PEX11G: variants seen among roughly 807,000 people sequenced by gnomAD.
PEX11G encodes peroxisomal membrane protein 11C.
Under a neutral mutation model 22.5 loss-of-function variants are expected in PEX11G, and 20 were observed. The ratio of observed to expected loss-of-function variants is 0.89; its 90% CI spans 0.62 to 1.29. PEX11G has a LOEUF of 1.29. Ranked by LOEUF, PEX11G falls within the 50% of genes most tolerant of loss-of-function variation. PEX11G has a pLI of 0.00. For synonymous variants in PEX11G, 141 were observed against 154.5 expected (o/e 0.91, Z 0.65); for missense variants, 347 against 331.3 (o/e 1.05, Z -0.37).
chr19:7,491,937 T>G (rs751999689), upstream of PEX11G, among the ~76,000 whole-genome samples: 1 of 152,012 alleles, frequency 6.6e-6, no homozygotes, highest in Non-Finnish European at 1.5e-5. Flanking sequence ...GGATTACAGG[T>G]GTGAGCCACT....
intron 1 of PEX11G, among the ~76,000 whole-genome samples, chr19:7,487,824 A>G (rs1426871096): frequency 6.6e-6 from 1 of 152,122 alleles, no homozygotes; most frequent in Admixed American, 6.6e-5. Context: ...TAATGGCAAA[A>G]CACTGCAATC....
chr19:7,477,055 C>T lies in PEX11G; in HGVS notation c.*147G>A. 1.5e-6 allele frequency: 1 copy of T among 671,772 alleles called. No homozygotes were observed. The highest frequency in any genetic ancestry group is 3.6e-5 in the South Asian group (1 of 27,836). 41.6% of individuals were successfully genotyped at this position (671,772 alleles called of 1,614,324 possible). A position where few individuals can be genotyped will look rare whatever the true frequency, so the allele number is the denominator to read the frequency against. ...GAGCTCCAGGCTGAGGCCTGGGGGA[C>T]CTCGCATCAGTCCCTCCACCCACCC... On this transcript the variant is annotated 3_prime_UTR_variant, in exon 5 of 5. Coordinates refer to ENST00000221480, the MANE Select transcript of PEX11G (RefSeq NM_080662.4).
chr19:7,479,916 G>A (rs573885710), intron 3 of PEX11G, among the ~76,000 whole-genome samples: 1 of 152,244 alleles, frequency 6.6e-6, no homozygotes, highest in South Asian at 2.1e-4. Flanking sequence ...GGGTATATGG[G>A]AGCTCTCTGA....
chr19:7,491,596 A>C (rs919567966), upstream of PEX11G, among the ~76,000 whole-genome samples: 7 of 151,864 alleles, frequency 4.6e-5, no homozygotes, highest in East Asian at 1.4e-3. Context: ...AAATGGAATC[A>C]TACAATATGT....
intron 3 of PEX11G, among the ~76,000 whole-genome samples, chr19:7,481,571 C>A (rs998121866): frequency 9.9e-5 from 15 of 152,158 alleles, no homozygotes; most frequent in Admixed American, 9.8e-4. Flanking sequence ...TCATAGGGGT[C>A]CTTATAGGAG....
intron 2 of PEX11G, among the ~76,000 whole-genome samples, chr19:7,482,762 C>T (rs2145964426): frequency 6.6e-6 from 1 of 152,362 alleles, no homozygotes; most frequent in South Asian, 2.1e-4. Flanking sequence ...CACTGCTGAC[C>T]ACGCGCCAGG....
At chr19:7,484,887 G>C (rs1421446147) in intron 2 of PEX11G, among the ~76,000 whole-genome samples, 1 of 152,182 alleles carries the variant, frequency 6.6e-6, no homozygotes. Flanking sequence ...TGGAATGTGT[G>C]AACGTTTGCT....
chr19:7,494,485 G>T (rs2021943492), intron 1 of PEX11G, among the ~76,000 whole-genome samples: 1 of 152,208 alleles, frequency 6.6e-6, no homozygotes, highest in Admixed American at 6.5e-5. Flanking sequence ...TGAATAAGCA[G>T]ATCCCTCCTC....
chr19:7,478,264 C>A (rs765337840), intron 4 of PEX11G, 50 bp downstream of exon 4: 1 of 1,586,404 alleles, frequency 6.3e-7, no homozygotes, highest in African/African-American at 1.3e-5. Context: ...CGGGATCCCA[C>A]GCCTGCTGGA....
chr19:7,484,716 T>G (rs1210195128), intron 2 of PEX11G, among the ~76,000 whole-genome samples: 1 of 148,966 alleles, frequency 6.7e-6, no homozygotes, highest in African/African-American at 2.5e-5. Flanking sequence ...GAGGTTGCAG[T>G]GAGCCGAGAT....
upstream of PEX11G, chr19:7,489,059 G>A (rs568614610): frequency 3.4e-6 from 5 of 1,464,154 alleles, no homozygotes; most frequent in East Asian, 2.8e-5. Flanking sequence ...GCCAGGGGGC[G>A]GGGCCAGGCC....
rs569479169 is a variant in PEX11G at position 7,476,989 on chromosome 19, G to A, written c.*213C>T. Reference sequence around the variant, plus strand: ...CGCCAGCTGGCAGGCAGGAGGTGCTGCTGAAGCCCTGCACGGCCCCTGAAA... The same window carrying A: ...CGCCAGCTGGCAGGCAGGAGGTGCTACTGAAGCCCTGCACGGCCCCTGAAA... On this transcript the variant is annotated 3_prime_UTR_variant, in exon 5 of 5. Transcript: ENST00000221480. The A allele has an allele frequency of 9.6e-5, 40 of 418,328 alleles. 1 individual carries two copies. In the South Asian group the frequency reaches 3.4e-3, roughly 36 times the overall value. The allele number at this position is 418,328 out of a possible 1,614,324, so 25.9% of individuals were successfully genotyped here.
At chr19:7,485,800 C>T in intron 2 of PEX11G, 38 bp downstream of exon 2, 1 of 1,543,986 alleles carries the variant, frequency 6.5e-7, no homozygotes, top group Non-Finnish European at 8.8e-7. Flanking sequence ...CCACTCAGGT[C>T]CGCACCCTAC....
At chr19:7,493,422 T>A (rs184246553), upstream of PEX11G, among the ~76,000 whole-genome samples, 454 of 152,156 alleles carry the variant, frequency 3.0e-3, 1 homozygote, top group Non-Finnish European at 5.0e-3. Flanking sequence ...CTCAAACTCC[T>A]GGGCTCAAGT....
At chr19:7,478,468 G>T in intron 3 of PEX11G, 92 bp from the exon 4 acceptor site, 3 of 1,352,572 alleles carry the variant, frequency 2.2e-6, no homozygotes, top group African/African-American at 2.9e-5. Flanking sequence ...TCTGGGACAG[G>T]TGCTGCATCT....
At chr19:7,478,280 T>C in intron 4 of PEX11G, 34 bp downstream of exon 4, 4 of 1,600,390 alleles carry the variant, frequency 2.5e-6, no homozygotes, top group Non-Finnish European at 3.4e-6. Context: ...CTGGAGGGAG[T>C]GGGCCTCCCT....
upstream of PEX11G, chr19:7,491,161 C>G (rs1320199124): frequency 6.6e-6 from 1 of 152,186 alleles, no homozygotes; most frequent in Non-Finnish European, 1.5e-5. Flanking sequence ...TCCCCTACAC[C>G]CTGTTCCCAT....
upstream of PEX11G, among the ~76,000 whole-genome samples, chr19:7,492,736 C>G (rs1465234705): frequency 6.6e-6 from 1 of 152,222 alleles, no homozygotes. Context: ...GTCACCGCGT[C>G]TGGCCTCGAT....
intron 1 of PEX11G, among the ~76,000 whole-genome samples, chr19:7,487,177 C>A (rs576532877): frequency 3.9e-5 from 6 of 152,272 alleles, no homozygotes; most frequent in Non-Finnish European, 2.9e-5. Flanking sequence ...GTGACAGGAA[C>A]AAAGAAAACA....
Sources: allele counts gnomAD v4.1 joint callset (sites outside exome capture counted in the v4.1 genomes callset), GRCh38; gene constraint gnomAD v4.1.1; transcripts MANE v1.5; gene names NCBI Gene and HGNC (gene_info 2026-07-23, HGNC 2026-07-21).